Variants in ATP6V0A1 observed in about 807,000 individuals in gnomAD.
The protein encoded by ATP6V0A1 is V-type proton ATPase 116 kDa subunit a 1.
ATP6V0A1 carries 43 observed loss-of-function variants against 105.4 expected under a neutral mutation model. The observed-to-expected ratio is 0.41, with a 90% CI of 0.32 to 0.53. The LOEUF is 0.53. ATP6V0A1 is among the 20% of genes least tolerant of loss of function. The pLI is 0.30. For missense variants in ATP6V0A1, 676 were observed against 1,051.1 expected, an observed-to-expected ratio of 0.64 and a Z score of 4.93; for synonymous variants, 362 against 372.8, an observed-to-expected ratio of 0.97 and a Z score of 0.33.
intron 6 of ATP6V0A1, 66 bp from the exon 7 acceptor site, chr17:42,478,397 C>G: frequency 8.1e-7 from 1 of 1,236,798 alleles, no homozygotes; most frequent in Non-Finnish European, 1.0e-6. Context: ...ATAAAAAAGA[C>G]TTGTATTAAA....
intron 15 of ATP6V0A1, 73 bp from the exon 16 acceptor site, chr17:42,500,634 T>G: frequency 8.1e-7 from 1 of 1,239,496 alleles, no homozygotes; most frequent in South Asian, 1.3e-5. Flanking sequence ...AAAAATCTAG[T>G]GAATACTCCA....
At chr17:42,474,114 T>C (rs773784060) in intron 5 of ATP6V0A1, among the ~76,000 whole-genome samples, 24 of 151,956 alleles carry the variant, frequency 1.6e-4, no homozygotes, top group Non-Finnish European at 2.6e-4. Context: ...GCGATTCTCC[T>C]GCCTCAGCCT....
In ATP6V0A1 at chr17:42,490,503, C is replaced by A; in HGVS notation, c.1040C>A (p.Thr347Asn). The A allele has an allele frequency of 6.2e-7, 1 of 1,606,124 alleles. No individual in the cohort carries two copies. Among genetic ancestry groups the A allele is most frequent in the Non-Finnish European group, 8.5e-7 (1 of 1,177,908 alleles). The change falls in exon 11 of 22, where the codon ACT becomes AAT. Residue 347 changes from threonine to asparagine, a missense_variant. Thr to Asn is a moderately conservative substitution (Grantham distance 65). Transcript: ENST00000343619. ...LRRGTEHSGS[T>N]VPSILNRMQT... ...GTTTTTCAGGAACACAGTGGTTCCA[C>A]TGTACCTTCCATTTTGAACAGGATG... is the stretch of plus-strand genomic sequence containing the variant.
Position 42,487,136 on chromosome 17 carries a change from G to A in ATP6V0A1, c.811-19G>A, listed in dbSNP as rs758899126. On this transcript the variant is annotated intron_variant, in intron 9 of 21. Coordinates refer to ENST00000343619, the MANE Select transcript of ATP6V0A1 (RefSeq NM_001130021.3). ...CTGGTGTTAAAAGGATCCCTCGCTTGTTCCTTTTCTCCCCAAAGGTTCTGA... is the reference window on the plus strand; with the variant it reads ...CTGGTGTTAAAAGGATCCCTCGCTTATTCCTTTTCTCCCCAAAGGTTCTGA... The A allele has an allele frequency of 5.6e-6, 9 of 1,613,554 alleles. No homozygotes were observed. In the Admixed American group the frequency reaches 1.5e-4, roughly 27 times the overall value.
At chr17:42,490,680 G>A in intron 11 of ATP6V0A1, 43 bp downstream of exon 11, 1 of 1,549,992 alleles carries the variant, frequency 6.5e-7, no homozygotes, top group South Asian at 1.2e-5. Context: ...AGTTTTTTTT[G>A]TTTGTTTGGT....
intron 3 of ATP6V0A1, 69 bp from the exon 4 acceptor site, chr17:42,467,941 T>A (rs769087853): frequency 5.7e-6 from 6 of 1,053,682 alleles, no homozygotes; most frequent in Non-Finnish European, 6.8e-6. Context: ...ATGTTAATTC[T>A]TTTCCTTAAA....
At chr17:42,476,665 C>T (rs2088792433) in intron 5 of ATP6V0A1, among the ~76,000 whole-genome samples, 1 of 151,912 alleles carries the variant, frequency 6.6e-6, no homozygotes, top group Admixed American at 6.6e-5. Context: ...AGGATGAGTT[C>T]GGTAGAGAGA....
intron 4 of ATP6V0A1, 53 bp downstream of exon 4, chr17:42,468,160 T>G (rs138775477): frequency 0.012 from 15,008 of 1,283,706 alleles, 198 homozygotes; most frequent in South Asian, 0.016. Flanking sequence ...AACGCAGAAA[T>G]TACTTTCCTG....
At chr17:42,477,875 A>C in intron 6 of ATP6V0A1, 133 bp downstream of exon 6, 1 of 706,356 alleles carries the variant, frequency 1.4e-6, no homozygotes, top group East Asian at 2.9e-5. Flanking sequence ...TAGTCCTACA[A>C]CTCTGGATTC....
chr17:42,499,063 C>A, intron 15 of ATP6V0A1, 21 bp downstream of exon 15: 2 of 1,506,454 alleles, frequency 1.3e-6, no homozygotes, highest in South Asian at 1.1e-5. Context: ...CCATTTCTGT[C>A]ATAAGAATGT....
intron 7 of ATP6V0A1, among the ~76,000 whole-genome samples, chr17:42,479,834 A>G (rs1459913928): frequency 2.0e-5 from 3 of 152,236 alleles, no homozygotes; most frequent in African/African-American, 4.8e-5. Context: ...TATTCAGTCA[A>G]GTTTCCTCTT....
chr17:42,512,706 G>C (rs986530004), intron 19 of ATP6V0A1, among the ~76,000 whole-genome samples: 32 of 152,226 alleles, frequency 2.1e-4, no homozygotes, highest in African/African-American at 7.7e-4. Flanking sequence ...TACCAGCCAA[G>C]CCACTTTCTC....
In ATP6V0A1 at chr17:42,483,801, C is replaced by CTTT. The variant is rs1181958494; in HGVS notation, c.810+670_810+671insTTT. Among the ~76,000 whole-genome samples, 9 of 152,094 alleles carry CTTT rather than the reference C, an allele frequency of 5.9e-5. No homozygotes were observed. In the East Asian group the frequency reaches 1.7e-3, roughly 29 times the overall value. On this transcript the variant is annotated intron_variant, in intron 9 of 21. Coordinates refer to ENST00000343619, the MANE Select transcript of ATP6V0A1 (RefSeq NM_001130021.3). The stretch of plus-strand genomic sequence containing the variant: ...TTCACCATGTTGGCCAGGCTGGTCT[C>CTTT]AAACGCCTGACCTCAAGTGATCCTC...
intron 10 of ATP6V0A1, among the ~76,000 whole-genome samples, 169 bp downstream of exon 10, chr17:42,487,536 G>C (rs1005200281): frequency 5.9e-5 from 9 of 152,092 alleles, no homozygotes; most frequent in African/African-American, 2.2e-4. Context: ...GACCATCCTG[G>C]CTAACACGGT....
intron 5 of ATP6V0A1, among the ~76,000 whole-genome samples, chr17:42,474,388 T>G (rs2088443235): frequency 6.6e-6 from 1 of 152,172 alleles, no homozygotes; most frequent in Non-Finnish European, 1.5e-5. Flanking sequence ...GAGAGGTTCT[T>G]ATGCTGCTTT....
At chr17:42,479,860 A>G (rs1382049318) in intron 7 of ATP6V0A1, among the ~76,000 whole-genome samples, 2 of 152,210 alleles carry the variant, frequency 1.3e-5, no homozygotes, top group African/African-American at 4.8e-5. Flanking sequence ...CAGAAAGGTT[A>G]TTTTATCAAC....
chr17:42,498,051 G>C (rs1029311320), intron 14 of ATP6V0A1, among the ~76,000 whole-genome samples: 1 of 152,032 alleles, frequency 6.6e-6, no homozygotes. Flanking sequence ...AGGAGTTTGA[G>C]ACCAGCCTGG....
At chr17:42,487,007 T>C in intron 9 of ATP6V0A1, 148 bp from the exon 10 acceptor site, 1 of 723,256 alleles carries the variant, frequency 1.4e-6, no homozygotes, top group Non-Finnish European at 2.2e-6. Flanking sequence ...TCTTGTAATT[T>C]GGAAAAAAGA....
At chr17:42,497,496 T>G (rs12451690) in intron 14 of ATP6V0A1, among the ~76,000 whole-genome samples, 1 of 150,980 alleles carries the variant, frequency 6.6e-6, no homozygotes. Context: ...GATGGTGAAA[T>G]CCCATCTCTA....
Sources: allele counts gnomAD v4.1 joint callset (sites outside exome capture counted in the v4.1 genomes callset), GRCh38; gene constraint gnomAD v4.1.1; transcripts MANE v1.5; gene names NCBI Gene and HGNC (gene_info 2026-07-23, HGNC 2026-07-21).